NDUFA12: variants seen among roughly 807,000 people sequenced by gnomAD.
NDUFA12 encodes NADH dehydrogenase [ubiquinone] 1 alpha subcomplex subunit 12.
Under a neutral mutation model 20.3 loss-of-function variants are expected in NDUFA12, and 17 were observed. That is an observed-to-expected ratio of 0.84 (90% CI 0.57 to 1.26). NDUFA12 has a LOEUF of 1.26. Among genes scored for constraint, NDUFA12 ranks in the 50% most tolerant of loss-of-function variants. The probability of loss-of-function intolerance (pLI) is 0.00; values close to 1 mark genes in which losing one functional copy is unlikely to be tolerated. For synonymous variants in NDUFA12, 72 were observed against 63.6 expected (o/e 1.13, Z -0.63); for missense variants, 191 against 183.7 (o/e 1.04, Z -0.23).
rs74882669 is a variant in NDUFA12 at position 94,995,506 on chromosome 12, A to G, written c.170-1249T>C. ...TGAAATGTTAAATGCCTATTCTCAG[A>G]CTCAGAAATTCAACTTTATTTATTT... On this transcript the variant is annotated intron_variant, in intron 2 of 3. Transcript: ENST00000327772. Among the ~76,000 whole-genome samples, 935 of 152,136 alleles carry G rather than the reference A, an allele frequency of 6.1e-3. 11 individuals are homozygous for G. The highest frequency in any genetic ancestry group is 0.021 in the African/African-American group (878 of 41,494).
intron 3 of NDUFA12, among the ~76,000 whole-genome samples, chr12:94,990,477 C>T (rs979109789): frequency 1.8e-4 from 27 of 152,166 alleles, no homozygotes; most frequent in African/African-American, 6.5e-4. Context: ...CGCTGGAGTA[C>T]AGTGGTGCAA....
At chr12:94,973,897 G>A (rs1873972722) in intron 3 of NDUFA12, among the ~76,000 whole-genome samples, 2 of 150,436 alleles carry the variant, frequency 1.3e-5, no homozygotes, top group African/African-American at 4.9e-5. Context: ...TATTAAATAA[G>A]GGGTAAAAAA....
At chr12:94,974,581 T>C (rs1874003783) in intron 3 of NDUFA12, among the ~76,000 whole-genome samples, 1 of 152,150 alleles carries the variant, frequency 6.6e-6, no homozygotes, top group African/African-American at 2.4e-5. Context: ...CAGCCAAAAT[T>C]TGGAAGCAAC....
intron 3 of NDUFA12, among the ~76,000 whole-genome samples, chr12:94,985,815 T>C (rs981471355): frequency 6.6e-6 from 1 of 152,004 alleles, no homozygotes; most frequent in Non-Finnish European, 1.5e-5. Flanking sequence ...CCAGGCACAG[T>C]GGCTCACACC....
chr12:94,998,813 A>T (rs1874923743), intron 2 of NDUFA12, among the ~76,000 whole-genome samples: 1 of 152,202 alleles, frequency 6.6e-6, no homozygotes, highest in Non-Finnish European at 1.5e-5. Context: ...ACTAAAAAAC[A>T]CTGCTGAAAG....
intron 3 of NDUFA12, among the ~76,000 whole-genome samples, chr12:94,974,670 A>G (rs1161957074): frequency 6.6e-6 from 1 of 152,256 alleles, no homozygotes; most frequent in Non-Finnish European, 1.5e-5. Context: ...GCCATAAAAA[A>G]GAACAACATC....
At chr12:94,972,277 T>C in intron 3 of NDUFA12, 1 of 274,388 alleles carries the variant, frequency 3.6e-6, no homozygotes, top group African/African-American at 2.2e-5. Flanking sequence ...AGACATGCCA[T>C]GATTTTATCT....
intron 3 of NDUFA12, among the ~76,000 whole-genome samples, chr12:94,989,900 G>C (rs1376336151): frequency 6.6e-6 from 1 of 152,110 alleles, no homozygotes; most frequent in African/African-American, 2.4e-5. Context: ...TTTTGAAGCA[G>C]GTAGATGTCA....
chr12:94,972,412 C>T (rs1387293253), intron 3 of NDUFA12: 1 of 449,296 alleles, frequency 2.2e-6, no homozygotes, highest in Non-Finnish European at 4.5e-6. Flanking sequence ...CTATTAGGTG[C>T]TAGAGGCCGA....
intron 2 of NDUFA12, chr12:94,996,904 C>T (rs1409626155): frequency 2.9e-6 from 1 of 347,888 alleles, no homozygotes. Flanking sequence ...GAATAATTAC[C>T]CCAGGTTCTG....
At chr12:94,998,543 C>T (rs879813052) in intron 2 of NDUFA12, among the ~76,000 whole-genome samples, 2 of 152,086 alleles carry the variant, frequency 1.3e-5, no homozygotes, top group South Asian at 2.1e-4. Context: ...GTCAAACTGT[C>T]GCTGTTTGTT....
At chr12:95,000,750 C>T (rs1314140353) in intron 2 of NDUFA12, among the ~76,000 whole-genome samples, 1 of 152,172 alleles carries the variant, frequency 6.6e-6, no homozygotes, top group East Asian at 1.9e-4. Flanking sequence ...ACACAAAAAG[C>T]ATGTATTTTC....
chr12:94,979,215 G>C (rs1362274529), intron 3 of NDUFA12, among the ~76,000 whole-genome samples: 1 of 152,006 alleles, frequency 6.6e-6, no homozygotes, highest in East Asian at 1.9e-4. Flanking sequence ...CTCCATCCTC[G>C]GCAACAGAGC....
At position 94,971,507 on chromosome 12, in the gene NDUFA12, T is replaced by C; in HGVS notation, c.371A>G (p.Tyr124Cys). ...KFNVTGTPEQ[Y>C]VPYSTTRKKI... ...CTTTCTAGTGGTAGAATAAGGTACA[T>C]ATTGTTCTGGGGTGCCAGTCACGTT... Residue 124 changes from tyrosine (Y) to cysteine (C), a missense_variant, in exon 4 of 4, where the codon TAT (tyrosine) becomes TGT (cysteine). Physicochemically the swap from Tyr to Cys is radical, Grantham distance 194 (BLOSUM62 -2). Coordinates refer to ENST00000327772, the MANE Select transcript of NDUFA12 (RefSeq NM_018838.5). 6 of 1,614,214 alleles carry C rather than the reference T, an allele frequency of 3.7e-6. No homozygotes were observed. Among genetic ancestry groups the C allele is most frequent in the Non-Finnish European group, 5.1e-6 (6 of 1,180,028 alleles).
chr12:94,975,155 T>A (rs1874027225), intron 3 of NDUFA12, among the ~76,000 whole-genome samples: 1 of 152,124 alleles, frequency 6.6e-6, no homozygotes. Flanking sequence ...ACCCAAAAAA[T>A]TAAAATTGTT....
chr12:94,994,291 CTT>C, intron 2 of NDUFA12, 34 bp from the exon 3 acceptor site: 3 of 1,478,592 alleles, frequency 2.0e-6, no homozygotes, highest in Non-Finnish European at 2.8e-6. Flanking sequence ...AAAAGAAAAA[CTT>C]TTTTTTTTAA....
At chr12:94,999,579 T>C (rs1355382925) in intron 2 of NDUFA12, among the ~76,000 whole-genome samples, 3 of 152,086 alleles carry the variant, frequency 2.0e-5, no homozygotes, top group African/African-American at 7.2e-5. Context: ...AACTATGCAT[T>C]AGACAAAGGA....
At chr12:95,002,702 C>T (rs552693188) in intron 2 of NDUFA12, 37 bp downstream of exon 2, 23 of 1,457,750 alleles carry the variant, frequency 1.6e-5, no homozygotes, top group Middle Eastern at 1.7e-4. Context: ...ATCCCAATCC[C>T]AATCCAATTA....
intron 2 of NDUFA12, among the ~76,000 whole-genome samples, chr12:95,002,199 TG>T (rs1875063470): frequency 1.3e-5 from 2 of 150,782 alleles, no homozygotes; most frequent in East Asian, 2.0e-4. Context: ...CCCAGCACTT[TG>T]GGGGGCCAAG....
Sources: allele counts gnomAD v4.1 joint callset (sites outside exome capture counted in the v4.1 genomes callset), GRCh38; gene constraint gnomAD v4.1.1; transcripts MANE v1.5; gene names NCBI Gene and HGNC (gene_info 2026-07-23, HGNC 2026-07-21).